The following DNAH3 variants were observed in gnomAD, a reference collection of about 807,000 sequenced individuals.
DNAH3 encodes axonemal beta dynein heavy chain 3.
A neutral mutation model predicts 432.5 loss-of-function variants in DNAH3; 332 were observed. The ratio of observed to expected loss-of-function variants is 0.77; its 90% CI spans 0.70 to 0.84. The LOEUF (loss-of-function observed/expected upper bound fraction) is 0.84, where lower values mean the gene tolerates loss of function less well. Ranked by LOEUF, DNAH3 falls within the 40% of genes least tolerant of loss-of-function variation. The pLI, the probability that DNAH3 is intolerant of heterozygous loss-of-function variation, is 0.00. For synonymous variants in DNAH3, 1,956 were observed against 1,900.2 expected (o/e 1.03, Z -0.76); for missense variants, 4,861 against 5,114.0 (o/e 0.95, Z 1.51).
intron 3 of DNAH3, among the ~76,000 whole-genome samples, chr16:21,144,536 T>G (rs1166541437): frequency 6.6e-6 from 1 of 152,126 alleles, no homozygotes; most frequent in Admixed American, 6.5e-5. Context: ...TGTACGCTAG[T>G]GAGGGGCCCT....
chr16:21,057,437 C>T (rs1401867132), intron 27 of DNAH3, among the ~76,000 whole-genome samples: 1 of 152,142 alleles, frequency 6.6e-6, no homozygotes, highest in Non-Finnish European at 1.5e-5. Context: ...TCATTTAACC[C>T]TCCCACAATA....
At chr16:21,159,267 C>G in intron 1 of DNAH3, 2 of 1,430,114 alleles carry the variant, frequency 1.4e-6, no homozygotes, top group South Asian at 1.1e-5. Context: ...ACTCGACTCC[C>G]CTCTGAGTTC....
intron 60 of DNAH3, among the ~76,000 whole-genome samples, chr16:20,935,753 GAA>G (rs1476896668): frequency 1.3e-5 from 2 of 151,052 alleles, no homozygotes; most frequent in East Asian, 3.9e-4. Flanking sequence ...TGAGGCAGGA[GAA>G]TCGCTTGAAC....
At chr16:21,079,515 C>A (rs1456881077) in intron 20 of DNAH3, among the ~76,000 whole-genome samples, 1 of 151,972 alleles carries the variant, frequency 6.6e-6, no homozygotes, top group African/African-American at 2.4e-5. Context: ...CCCAGCCACT[C>A]GGGAGGCTGA....
chr16:21,041,729 C>G (rs1056551824), intron 32 of DNAH3, among the ~76,000 whole-genome samples: 2 of 152,142 alleles, frequency 1.3e-5, no homozygotes, highest in African/African-American at 4.8e-5. Flanking sequence ...AGTGCAACGG[C>G]GCTATCTCCG....
In DNAH3 at chr16:21,058,735, G is replaced by C. The variant is rs2090227427; in HGVS notation, c.3814-539C>G. Among the ~76,000 whole-genome samples, 4 of 152,100 alleles carry C rather than the reference G, an allele frequency of 2.6e-5. No individual in the cohort carries two copies. The South Asian group carries it at 6.2e-4, about 24-fold the overall frequency. On this transcript the variant is annotated intron_variant, in intron 26 of 61. Coordinates refer to ENST00000261383, the Ensembl canonical transcript of DNAH3. The stretch of plus-strand genomic sequence containing the variant: ...CATCATTCTCAGCAAACTAACACGG[G>C]AACAGAAAACCAAACACTGCATGTT...
At chr16:21,012,752 A>G (rs1365477085) in intron 41 of DNAH3, among the ~76,000 whole-genome samples, 1 of 152,104 alleles carries the variant, frequency 6.6e-6, no homozygotes, top group African/African-American at 2.4e-5. Context: ...TGGGCAATAA[A>G]ACACTTTTTA....
Position 20,994,356 on chromosome 16 carries a change from C to T in DNAH3, c.6601+2927G>A, listed in dbSNP as rs933283649. ...CTGAGGCAAGAGAATCACTTGAACCCGGAGGCGGAGGTTGCAGTGAGCTGA... is the reference window on the plus strand; with the variant it reads ...CTGAGGCAAGAGAATCACTTGAACCTGGAGGCGGAGGTTGCAGTGAGCTGA... On this transcript the variant is annotated intron_variant, in intron 44 of 61. Coordinates refer to ENST00000261383, the Ensembl canonical transcript of DNAH3. Among the ~76,000 whole-genome samples the T allele has an allele frequency of 6.6e-5, 10 of 152,108 alleles. No homozygotes were observed. The East Asian group carries it at 9.7e-4, about 15-fold the overall frequency.
intron 49 of DNAH3, among the ~76,000 whole-genome samples, chr16:20,979,875 G>C (rs937126725): frequency 1.3e-5 from 2 of 152,002 alleles, no homozygotes; most frequent in African/African-American, 2.4e-5. Flanking sequence ...TCAGCCTCCC[G>C]AGTAGCTGGG....
intron 5 of DNAH3, among the ~76,000 whole-genome samples, chr16:21,137,154 T>C (rs999092314): frequency 6.6e-6 from 1 of 150,900 alleles, no homozygotes; most frequent in Non-Finnish European, 1.5e-5. Flanking sequence ...AAAAAAACAT[T>C]AGATTTTCCT....
At chr16:21,018,751 C>T (rs756064573) in intron 41 of DNAH3, among the ~76,000 whole-genome samples, 8 of 151,956 alleles carry the variant, frequency 5.3e-5, no homozygotes, top group Non-Finnish European at 7.4e-5. Context: ...AAAAATTAGC[C>T]AGGCGTGGTG....
chr16:21,156,001 G>A (rs1329285810), intron 1 of DNAH3, among the ~76,000 whole-genome samples: 2 of 152,042 alleles, frequency 1.3e-5, no homozygotes, highest in African/African-American at 2.4e-5. Flanking sequence ...TTATAAACAA[G>A]AGACATTTAT....
chr16:21,130,454 A>G (rs2092536718), intron 7 of DNAH3, among the ~76,000 whole-genome samples: 1 of 151,784 alleles, frequency 6.6e-6, no homozygotes, highest in South Asian at 2.1e-4. Context: ...ACAGGCACAC[A>G]CCATCACGCC....
At chr16:21,087,047 TAAG>T (rs893354481) in exon 19 of DNAH3, 15 of 1,613,632 alleles carry the variant, frequency 9.3e-6, no homozygotes, top group African/African-American at 1.3e-5. Flanking sequence ...CAGCATTCAG[TAAG>T]AAGAGGGGTC....
At chr16:21,026,936 C>G (rs552927451) in intron 38 of DNAH3, 91 bp downstream of exon 38, 492 of 868,224 alleles carry the variant, frequency 5.7e-4, no homozygotes, top group Non-Finnish European at 8.2e-4. Context: ...GCGAGGGCTT[C>G]ATCACATTTG....
intron 24 of DNAH3, among the ~76,000 whole-genome samples, chr16:21,064,410 C>T (rs1220265233): frequency 6.6e-6 from 1 of 152,190 alleles, no homozygotes; most frequent in Non-Finnish European, 1.5e-5. Flanking sequence ...CTCAATCTGC[C>T]AACCTAGAGA....
At position 21,098,539 on chromosome 16, in the gene DNAH3, A is replaced by T. The variant is rs191702348; in HGVS notation, c.2520+77T>A. Reference sequence around the variant, plus strand: ...ATCCACCTAGTAGATGCTATTAGGAAATAGGAAATTCACAACCAAGGATCA... The same window carrying T: ...ATCCACCTAGTAGATGCTATTAGGATATAGGAAATTCACAACCAAGGATCA... On this transcript the variant is annotated intron_variant, in intron 17 of 61. Transcript: ENST00000261383. The T allele has an allele frequency of 1.2e-3, 1,691 of 1,469,290 alleles. 7 individuals are homozygous for T. The highest frequency in any genetic ancestry group is 1.1e-3 in the Non-Finnish European group (1,211 of 1,097,764). 91.0% of individuals were successfully genotyped at this position (1,469,290 alleles called of 1,614,324 possible).
intron 41 of DNAH3, among the ~76,000 whole-genome samples, chr16:21,008,175 T>C (rs545907441): frequency 6.6e-4 from 101 of 152,350 alleles, no homozygotes; most frequent in African/African-American, 2.4e-3. Flanking sequence ...TCATGTTTTC[T>C]GTTAAACATT....
At chr16:20,977,841 T>C (rs1213025782) in intron 50 of DNAH3, among the ~76,000 whole-genome samples, 1 of 152,220 alleles carries the variant, frequency 6.6e-6, no homozygotes, top group Non-Finnish European at 1.5e-5. Context: ...TAGGTCCTTT[T>C]GCTGTTCCTC....
Sources: gnomAD v4.1 joint callset for allele counts (sites outside exome capture counted in the v4.1 genomes callset) on GRCh38, gnomAD v4.1.1 for gene constraint, MANE v1.5 for transcripts, NCBI Gene and HGNC (gene_info 2026-07-23, HGNC 2026-07-21) for gene names.